Variants in TRAPPC9 observed in about 807,000 individuals in gnomAD.
TRAPPC9 encodes the protein IKK2 binding protein.
In TRAPPC9, 83 loss-of-function variants were observed where a neutral mutation model predicts 124.0. The observed-to-expected ratio is 0.67, with a 90% confidence interval of 0.56 to 0.80. TRAPPC9 has a LOEUF of 0.80. TRAPPC9 is among the 30% of genes least tolerant of loss of function. TRAPPC9 has a pLI of 0.00. For synonymous variants in TRAPPC9, 638 were observed against 617.5 expected (o/e 1.03, Z -0.49); for missense variants, 1,302 against 1,508.3 (o/e 0.86, Z 2.27).
At chr8:140,326,472 C>T (rs1180294490) in intron 9 of TRAPPC9, among the ~76,000 whole-genome samples, 1 of 152,184 alleles carries the variant, frequency 6.6e-6, no homozygotes, top group Non-Finnish European at 1.5e-5. Flanking sequence ...GCTTTGCCTG[C>T]CACCACCTAC....
At chr8:139,802,112 T>G (rs1191175985) in intron 21 of TRAPPC9, among the ~76,000 whole-genome samples, 1 of 152,208 alleles carries the variant, frequency 6.6e-6, no homozygotes, top group Non-Finnish European at 1.5e-5. Flanking sequence ...CACTCCCTGT[T>G]GTCCCACGCA....
intron 5 of TRAPPC9, among the ~76,000 whole-genome samples, chr8:140,426,153 C>T (rs2070414931): frequency 6.6e-6 from 1 of 152,090 alleles, no homozygotes; most frequent in South Asian, 2.1e-4. Context: ...GTATTAATTA[C>T]AGAAGATATT....
intron 1 of TRAPPC9, among the ~76,000 whole-genome samples, chr8:140,457,231 C>G (rs2071707846): frequency 6.6e-6 from 1 of 152,100 alleles, no homozygotes; most frequent in Non-Finnish European, 1.5e-5. Context: ...GGCCCAGGGG[C>G]GGGGGGCTCC....
At chr8:139,930,420 G>A (rs1213728065) in intron 19 of TRAPPC9, among the ~76,000 whole-genome samples, 1 of 152,208 alleles carries the variant, frequency 6.6e-6, no homozygotes, top group Non-Finnish European at 1.5e-5. Flanking sequence ...CAGGTGGGTG[G>A]CTCAGGATCA....
chr8:139,891,874 A>G (rs1830372451), intron 20 of TRAPPC9, among the ~76,000 whole-genome samples: 1 of 152,226 alleles, frequency 6.6e-6, no homozygotes, highest in African/African-American at 2.4e-5. Context: ...GGTAGGCATT[A>G]TCTAATTTAC....
intron 21 of TRAPPC9, among the ~76,000 whole-genome samples, chr8:139,766,476 G>A (rs754661460): frequency 1.3e-5 from 2 of 152,222 alleles, no homozygotes; most frequent in Non-Finnish European, 2.9e-5. Context: ...CCTCTAAAAT[G>A]TCACAACTGA....
At chr8:140,380,862 T>C (rs2068586529) in intron 7 of TRAPPC9, among the ~76,000 whole-genome samples, 1 of 151,800 alleles carries the variant, frequency 6.6e-6, no homozygotes, top group Non-Finnish European at 1.5e-5. Context: ...ATAAATAAAT[T>C]AGACTTCACC....
chr8:140,104,673 C>T lies in TRAPPC9; in HGVS notation c.2557-80594G>A, dbSNP rs539977103. Among the ~76,000 whole-genome samples the T allele has an allele frequency of 1.3e-3, 195 of 152,280 alleles. 1 individual carries two copies. The South Asian group carries it at 0.016, about 12-fold the overall frequency. ...CACACACAGGTGCTGTAAAAAGCTA[C>T]GACACACACCCTCCTGGGGGTGCCA... is the stretch of plus-strand genomic sequence containing the variant. On this transcript the variant is annotated intron_variant, in intron 17 of 22. Transcript: ENST00000438773. The surrounding 1 kb of genome is among the most constrained non-coding windows in gnomAD (Gnocchi z 4.0).
intron 19 of TRAPPC9, among the ~76,000 whole-genome samples, chr8:139,918,424 C>T (rs1378079108): frequency 3.9e-5 from 6 of 152,228 alleles, no homozygotes; most frequent in Non-Finnish European, 7.3e-5. Context: ...TTTATGCTTA[C>T]GGAGATCCTA....
At chr8:140,225,893 A>T (rs2063440014) in intron 16 of TRAPPC9, among the ~76,000 whole-genome samples, 1 of 152,000 alleles carries the variant, frequency 6.6e-6, no homozygotes, top group Non-Finnish European at 1.5e-5. Flanking sequence ...AATTACACCA[A>T]CGCTTTTATC....
At chr8:139,857,645 A>G (rs575873448) in intron 21 of TRAPPC9, among the ~76,000 whole-genome samples, 4 of 152,184 alleles carry the variant, frequency 2.6e-5, no homozygotes, top group Admixed American at 6.5e-5. Context: ...GAGAGTCAGG[A>G]GCTGAGCATG....
At chr8:140,078,978 T>A (rs1843660369) in intron 17 of TRAPPC9, among the ~76,000 whole-genome samples, 1 of 152,154 alleles carries the variant, frequency 6.6e-6, no homozygotes, top group African/African-American at 2.4e-5. Context: ...GCTCCCATAA[T>A]TCCCATGGGA....
intron 17 of TRAPPC9, among the ~76,000 whole-genome samples, chr8:140,120,723 C>CCAA (rs2060970225): frequency 6.6e-6 from 1 of 151,208 alleles, no homozygotes; most frequent in South Asian, 2.1e-4. Flanking sequence ...AACCGTCCAT[C>CCAA]CATCCATCCA....
intron 21 of TRAPPC9, among the ~76,000 whole-genome samples, chr8:139,818,922 C>T (rs1464600214): frequency 1.3e-5 from 2 of 152,202 alleles, no homozygotes; most frequent in Admixed American, 6.5e-5. Context: ...CTCTTAGTCC[C>T]TTGTACACAT....
intron 17 of TRAPPC9, among the ~76,000 whole-genome samples, chr8:140,112,380 T>C (rs2060796240): frequency 6.8e-6 from 1 of 147,974 alleles, no homozygotes; most frequent in Admixed American, 6.7e-5. Flanking sequence ...TTCCAGACGA[T>C]GGTGGGACAG....
At chr8:139,787,041 A>T (rs1822304267) in intron 21 of TRAPPC9, among the ~76,000 whole-genome samples, 1 of 152,168 alleles carries the variant, frequency 6.6e-6, no homozygotes, top group Non-Finnish European at 1.5e-5. Context: ...TGTGTCAGTA[A>T]GACTACAACA....
intron 21 of TRAPPC9, among the ~76,000 whole-genome samples, chr8:139,796,845 C>T (rs1331566893): frequency 1.3e-5 from 2 of 152,238 alleles, no homozygotes; most frequent in Non-Finnish European, 2.9e-5. Flanking sequence ...AAAGTGGCTG[C>T]ACTATTACAT....
intron 18 of TRAPPC9, among the ~76,000 whole-genome samples, chr8:139,998,019 G>T (rs1234154783): frequency 2.7e-5 from 4 of 149,216 alleles, no homozygotes; most frequent in Admixed American, 6.7e-5. Flanking sequence ...CCTACACAGG[G>T]AGACAATGCA....
At chr8:139,750,228 C>T (rs549973454) in intron 21 of TRAPPC9, among the ~76,000 whole-genome samples, 9 of 152,286 alleles carry the variant, frequency 5.9e-5, no homozygotes, top group Admixed American at 3.3e-4. Context: ...CCAAAAGCTG[C>T]AAGTATTAAT....
Sources: gnomAD v4.1 joint callset for allele counts (sites outside exome capture counted in the v4.1 genomes callset) on GRCh38, gnomAD v4.1.1 for gene constraint, Gnocchi (gnomAD v3.1) non-coding constraint, MANE v1.5 for transcripts, NCBI Gene and HGNC (gene_info 2026-07-23, HGNC 2026-07-21) for gene names.